TANC2: variants seen among roughly 807,000 people sequenced by gnomAD.
TANC2 encodes the protein protein TANC2.
TANC2 carries 26 observed loss-of-function variants against 210.5 expected under a neutral mutation model. That is an observed-to-expected ratio of 0.12 (90% CI 0.09 to 0.17). The LOEUF (loss-of-function observed/expected upper bound fraction) is 0.17, where lower values mean the gene tolerates loss of function less well. Ranked by LOEUF, TANC2 falls within the 10% of genes least tolerant of loss-of-function variation. TANC2 has a pLI of 1.00. For synonymous variants in TANC2, 931 were observed against 967.1 expected (o/e 0.96, Z 0.69); for missense variants, 2,129 against 2,608.9 (o/e 0.82, Z 4.01).
At chr17:63,197,560 T>G (rs1455085577) in intron 6 of TANC2, 2 of 152,208 alleles carry the variant, frequency 1.3e-5, no homozygotes. Flanking sequence ...TGACAGAATC[T>G]AATGCAAGTC....
At chr17:63,053,607 A>G (rs2035661732) in intron 2 of TANC2, among the ~76,000 whole-genome samples, 3 of 152,074 alleles carry the variant, frequency 2.0e-5, no homozygotes, top group East Asian at 1.9e-4. Context: ...ATGCAGTTTC[A>G]TAGTTTAAAT....
intron 9 of TANC2, among the ~76,000 whole-genome samples, chr17:63,286,241 C>A (rs1308350151): frequency 6.6e-6 from 1 of 152,168 alleles, no homozygotes. Flanking sequence ...TGCTGTCTTT[C>A]CTTCTGCCTG....
At chr17:63,415,739 A>C (rs1306119107) in intron 26 of TANC2, 65 bp downstream of exon 26, 1 of 1,557,034 alleles carries the variant, frequency 6.4e-7, no homozygotes. Context: ...GTCACTCACT[A>C]GCTTTTACCA....
chr17:63,265,396 TG>T (rs2043493234), intron 8 of TANC2, among the ~76,000 whole-genome samples: 1 of 152,188 alleles, frequency 6.6e-6, no homozygotes, highest in African/African-American at 2.4e-5. Context: ...CTTGTCTCCC[TG>T]GGCCAATGGT....
intron 8 of TANC2, among the ~76,000 whole-genome samples, chr17:63,252,788 G>A (rs1054241440): frequency 2.3e-4 from 35 of 151,732 alleles, no homozygotes; most frequent in African/African-American, 8.2e-4. Context: ...TTACCTAGTC[G>A]TCTGTTTTTT....
At chr17:63,070,982 A>G (rs2036374791) in intron 2 of TANC2, among the ~76,000 whole-genome samples, 1 of 152,166 alleles carries the variant, frequency 6.6e-6, no homozygotes, top group South Asian at 2.1e-4. Context: ...GGTGAGTTAA[A>G]AATGTTTCCA....
At chr17:62,987,695 C>T (rs548279562) in intron 1 of TANC2, among the ~76,000 whole-genome samples, 10 of 152,156 alleles carry the variant, frequency 6.6e-5, no homozygotes, top group African/African-American at 9.7e-5. Flanking sequence ...CTTCCAGTCA[C>T]AACGGGTGCA....
At chr17:63,152,569 C>G (rs1279954065) in intron 5 of TANC2, 1 of 152,058 alleles carries the variant, frequency 6.6e-6, no homozygotes, top group Non-Finnish European at 1.5e-5. Context: ...TCAAAAGGAA[C>G]AAAGTAGTTC....
At chr17:63,077,300 A>T (rs533404093) in intron 3 of TANC2, among the ~76,000 whole-genome samples, 1 of 152,242 alleles carries the variant, frequency 6.6e-6, no homozygotes, top group Non-Finnish European at 1.5e-5. Flanking sequence ...ATAGAATTAG[A>T]TGTATACATT....
chr17:63,364,944 A>G (rs2047067143), intron 14 of TANC2, among the ~76,000 whole-genome samples: 1 of 152,250 alleles, frequency 6.6e-6, no homozygotes, highest in African/African-American at 2.4e-5. Flanking sequence ...TACTGGTTAC[A>G]GCAACTTAAT....
intron 2 of TANC2, among the ~76,000 whole-genome samples, chr17:63,010,734 A>C (rs891122442): frequency 2.0e-5 from 3 of 152,200 alleles, no homozygotes; most frequent in Non-Finnish European, 4.4e-5. Flanking sequence ...AGAATGGTGC[A>C]CACAACTCAT....
rs376511865 is a variant in TANC2 at position 63,319,087 on chromosome 17, G to A, written c.1572G>A (p.Ser524=). 1.5e-4 allele frequency: 239 copies of A among 1,611,108 alleles called. No homozygotes were observed. The African/African-American group carries it at 2.9e-3, about 20-fold the overall frequency. The stretch of plus-strand genomic sequence containing the variant: ...AGGAGGCTATGCGAAGACTAGCCTC[G>A]CAGGTACAATATGATTCCCACGTTG... The change falls in exon 11 of 28, where the codon TCG becomes TCA. Residue 524 remains serine, a synonymous_variant. Transcript: ENST00000689528.
At chr17:63,295,515 C>T (rs968809450) in intron 9 of TANC2, among the ~76,000 whole-genome samples, 3 of 152,144 alleles carry the variant, frequency 2.0e-5, no homozygotes, top group African/African-American at 7.2e-5. Flanking sequence ...AGAGATAAGT[C>T]TATTTAGAAA....
chr17:63,306,252 CAG>C lies in TANC2; in HGVS notation c.1160-8134_1160-8133del, dbSNP rs368538624. Among the ~76,000 whole-genome samples the C allele has an allele frequency of 2.7e-4, 41 of 152,274 alleles. No individual in the cohort carries two copies. In the South Asian group the frequency reaches 6.0e-3, roughly 22 times the overall value. On this transcript the variant is annotated intron_variant, in intron 9 of 27. Coordinates refer to ENST00000689528, the Ensembl canonical transcript of TANC2. The stretch of plus-strand genomic sequence containing the variant: ...AGGAAAAATTCATAAGACTTGAAGA[CAG>C]ACTGGGATTGCTTGGTTAAGTTTAC...
At chr17:63,340,025 C>T (rs967469247) in intron 11 of TANC2, 76 bp from the exon 12 acceptor site, 4 of 1,057,134 alleles carry the variant, frequency 3.8e-6, no homozygotes, top group Admixed American at 3.8e-5. Context: ...CTAGTATAAT[C>T]ACTCAATAGC....
chr17:63,380,657 A>T (rs1395959713), intron 15 of TANC2, among the ~76,000 whole-genome samples: 1 of 152,226 alleles, frequency 6.6e-6, no homozygotes, highest in Non-Finnish European at 1.5e-5. Context: ...AGGATGGAGA[A>T]TATGGGTATC....
In TANC2 at chr17:63,397,293, A is replaced by G. The variant is rs538658470; in HGVS notation, c.3237+1365A>G. Among the ~76,000 whole-genome samples, 25 of 146,078 alleles carry G rather than the reference A, an allele frequency of 1.7e-4. No individual in the cohort carries two copies. In the South Asian group the frequency reaches 5.2e-3, roughly 30 times the overall value. ...CCATCTCAAAAAAAAACAAACAAAC[A>G]AAAAGAATATGTTGCACACAACTTA... On this transcript the variant is annotated intron_variant, in intron 18 of 27. Transcript: ENST00000689528.
intron 7 of TANC2, 101 bp from the exon 8 acceptor site, chr17:63,237,713 A>T: frequency 8.0e-7 from 1 of 1,250,702 alleles, no homozygotes; most frequent in Non-Finnish European, 1.1e-6. Flanking sequence ...TTTTTTGAAA[A>T]TGGTGTCCTT....
At chr17:63,203,879 T>C (rs892547797) in intron 7 of TANC2, among the ~76,000 whole-genome samples, 2 of 151,880 alleles carry the variant, frequency 1.3e-5, no homozygotes, top group African/African-American at 4.8e-5. Flanking sequence ...CCAAGGAAGG[T>C]GTGTGGAAAG....
Sources: allele counts gnomAD v4.1 joint callset (sites outside exome capture counted in the v4.1 genomes callset), GRCh38; gene constraint gnomAD v4.1.1; transcripts MANE v1.5; gene names NCBI Gene and HGNC (gene_info 2026-07-23, HGNC 2026-07-21).